Variants in DNAAF9 observed in about 807,000 individuals in gnomAD.
The protein encoded by DNAAF9 is dynein axonemal assembly factor 9, also known as shulin.
In DNAAF9, 90 loss-of-function variants were observed where a neutral mutation model predicts 167.0. That is an observed-to-expected ratio of 0.54 (90% CI 0.45 to 0.64). The LOEUF (loss-of-function observed/expected upper bound fraction) is 0.64. Ranked by LOEUF, DNAAF9 falls within the 30% of genes least tolerant of loss-of-function variation. The probability of loss-of-function intolerance (pLI) is 0.00; values close to 1 mark genes in which losing one functional copy is unlikely to be tolerated. For synonymous variants in DNAAF9, 491 were observed against 508.8 expected (o/e 0.96, Z 0.47); for missense variants, 1,315 against 1,442.2 (o/e 0.91, Z 1.43).
chr20:3,397,040 A>C (rs1056450270), intron 1 of DNAAF9, among the ~76,000 whole-genome samples: 2 of 152,122 alleles, frequency 1.3e-5, no homozygotes, highest in African/African-American at 2.4e-5. Context: ...TGAGCCCAGG[A>C]GTTTGAGACC....
chr20:3,300,174 ATTG>A (rs968566211), intron 21 of DNAAF9, among the ~76,000 whole-genome samples: 3 of 152,148 alleles, frequency 2.0e-5, no homozygotes, highest in Admixed American at 6.6e-5. Context: ...AAGTGCTGGA[ATTG>A]TTAAGTGTGA....
intron 10 of DNAAF9, among the ~76,000 whole-genome samples, chr20:3,335,108 AT>A (rs1433025656): frequency 2.0e-5 from 3 of 152,012 alleles, no homozygotes; most frequent in Admixed American, 6.6e-5. Context: ...TTTTATTTTT[AT>A]TTTTTTGGCA....
intron 1 of DNAAF9, among the ~76,000 whole-genome samples, chr20:3,400,828 C>T (rs1483826494): frequency 6.6e-6 from 1 of 152,184 alleles, no homozygotes; most frequent in Non-Finnish European, 1.5e-5. Flanking sequence ...AGTATACTGT[C>T]ATCCCAGATA....
At chr20:3,346,855 A>C (rs2070203370) in intron 8 of DNAAF9, among the ~76,000 whole-genome samples, 1 of 152,190 alleles carries the variant, frequency 6.6e-6, no homozygotes, top group South Asian at 2.1e-4. Flanking sequence ...CAAACTGAAA[A>C]GGATAGACCA....
intron 1 of DNAAF9, among the ~76,000 whole-genome samples, chr20:3,398,733 C>T (rs925399736): frequency 1.4e-4 from 22 of 152,242 alleles, no homozygotes; most frequent in African/African-American, 4.8e-4. Flanking sequence ...TCTAGACTTT[C>T]GGTGCTGATT....
intron 7 of DNAAF9, among the ~76,000 whole-genome samples, chr20:3,350,156 G>GACACAGACACACACACAC (rs2070291242): frequency 1.1e-5 from 1 of 89,902 alleles, no homozygotes; most frequent in Non-Finnish European, 2.4e-5. Context: ...CAGACACACA[G>GACACAGACACACACACAC]ACACACACAC....
At chr20:3,322,727 T>A in intron 14 of DNAAF9, 31 bp from the exon 15 acceptor site, 1 of 1,557,110 alleles carries the variant, frequency 6.4e-7, no homozygotes, top group Non-Finnish European at 8.9e-7. Flanking sequence ...AAAAGAAAAA[T>A]CAGTCTGCTC....
At chr20:3,300,688 A>AATG (rs1158567144) in intron 21 of DNAAF9, among the ~76,000 whole-genome samples, 1 of 126,150 alleles carries the variant, frequency 7.9e-6, no homozygotes, top group Non-Finnish European at 1.6e-5. Context: ...AAATAATAAT[A>AATG]ATAATAATAA....
chr20:3,380,486 T>C (rs2083633698), intron 3 of DNAAF9, among the ~76,000 whole-genome samples: 1 of 152,192 alleles, frequency 6.6e-6, no homozygotes, highest in Admixed American at 6.5e-5. Context: ...GTTCTGTGCA[T>C]TGTAGATGTT....
Position 3,270,489 on chromosome 20 carries a change from G to T in DNAAF9, c.2724C>A (p.Ser908Arg). The T allele has an allele frequency of 1.2e-6, 2 of 1,613,086 alleles. No individual in the cohort carries two copies. The highest frequency in any genetic ancestry group is 1.7e-6 in the Non-Finnish European group (2 of 1,179,188). Residue 908 changes from serine to arginine, a missense_variant, in exon 30 of 37, where the codon AGC (serine) becomes AGA (arginine). Coordinates refer to ENST00000252032, the MANE Select transcript of DNAAF9 (RefSeq NM_001009984.3). ...QRHPLLVQLQ[S>R]LIRAANPAAA... ...CAGCAGGATTGGCAGCCCTGATGAG[G>T]CTCTGCAGCTGAACAAGGAGAGGGT...
At chr20:3,340,111 T>C (rs1379385056) in intron 10 of DNAAF9, among the ~76,000 whole-genome samples, 1 of 152,180 alleles carries the variant, frequency 6.6e-6, no homozygotes, top group Non-Finnish European at 1.5e-5. Context: ...ACAATGATCA[T>C]CAAGGTTGGC....
chr20:3,267,936 C>A (rs1267737834), intron 30 of DNAAF9, among the ~76,000 whole-genome samples: 1 of 151,934 alleles, frequency 6.6e-6, no homozygotes, highest in Non-Finnish European at 1.5e-5. Flanking sequence ...AACCAGGGTT[C>A]CAGCAGAGGA....
chr20:3,374,988 C>T (rs144534213), intron 5 of DNAAF9, 42 bp downstream of exon 5: 42 of 1,060,106 alleles, frequency 4.0e-5, no homozygotes, highest in Middle Eastern at 2.0e-4. Context: ...ATTCACACAC[C>T]ACCTAAGCAA....
chr20:3,254,695 G>C lies in DNAAF9; in HGVS notation c.3327+524C>G, dbSNP rs151121277. ...CTGGCATCCTGGGGACCTAGACTCT[G>C]TGTCCTTTTTAGCTTTTTGTCCCCA... is the stretch of plus-strand genomic sequence containing the variant. On this transcript the variant is annotated intron_variant, in intron 35 of 36. Transcript: ENST00000252032. Among the ~76,000 whole-genome samples the C allele has an allele frequency of 1.2e-3, 176 of 152,278 alleles. 4 individuals are homozygous for C. In the East Asian group the frequency reaches 0.03, roughly 26 times the overall value.
At position 3,316,714 on chromosome 20, in the gene DNAAF9, G is replaced by T; in HGVS notation, c.1539+9C>A. The T allele has an allele frequency of 1.2e-6, 2 of 1,607,246 alleles. No homozygotes were observed. Among genetic ancestry groups the T allele is most frequent in the African/African-American group, 1.3e-5 (1 of 74,848 alleles). ...GTAGGTCCACTTCCACCTGATGAATGACACTAACCAGCCAGGAGCAGAATC... is the reference window on the plus strand; with the variant it reads ...GTAGGTCCACTTCCACCTGATGAATTACACTAACCAGCCAGGAGCAGAATC... On this transcript the variant is annotated intron_variant, in intron 18 of 36. Coordinates refer to ENST00000252032, the MANE Select transcript of DNAAF9 (RefSeq NM_001009984.3).
chr20:3,312,092 G>A (rs186299242), intron 20 of DNAAF9, among the ~76,000 whole-genome samples: 89 of 151,724 alleles, frequency 5.9e-4, no homozygotes, highest in Middle Eastern at 3.4e-3. Flanking sequence ...AGGTTCAAGC[G>A]ATTCTCCTGC....
chr20:3,277,745 T>C (rs1199198010), intron 29 of DNAAF9, among the ~76,000 whole-genome samples: 2 of 152,136 alleles, frequency 1.3e-5, no homozygotes, highest in East Asian at 3.8e-4. Context: ...GTTTCTGAGG[T>C]GCAGTGCCTA....
intron 6 of DNAAF9, among the ~76,000 whole-genome samples, chr20:3,364,223 C>A (rs2083401117): frequency 6.6e-6 from 1 of 152,036 alleles, no homozygotes; most frequent in Non-Finnish European, 1.5e-5. Context: ...CAATTCTAGG[C>A]CAATTTTGAA....
chr20:3,332,892 GTGC>G lies in DNAAF9; in HGVS notation c.982-534_982-532del, dbSNP rs1296998022. On this transcript the variant is annotated intron_variant, in intron 10 of 36. Coordinates refer to ENST00000252032, the MANE Select transcript of DNAAF9 (RefSeq NM_001009984.3). The stretch of plus-strand genomic sequence containing the variant: ...CGTGCGTGCATGCGTGTGTGCGTGT[GTGC>G]GTGTGGTGTGTGTGTGTGTGTGTGT... Among the ~76,000 whole-genome samples the G allele has an allele frequency of 2.7e-4, 35 of 129,328 alleles. 1 individual carries two copies. Among genetic ancestry groups the G allele is most frequent in the Non-Finnish European group, 4.2e-4 (26 of 61,920 alleles). The allele number at this position is 129,328 out of a possible 152,430, so 84.8% of individuals were successfully genotyped here.
Sources: allele counts gnomAD v4.1 joint callset (sites outside exome capture counted in the v4.1 genomes callset), GRCh38; gene constraint gnomAD v4.1.1; transcripts MANE v1.5; gene names NCBI Gene and HGNC (gene_info 2026-07-23, HGNC 2026-07-21).